MB21D2: variants seen among roughly 807,000 people sequenced by gnomAD.
MB21D2 encodes nucleotidyltransferase MB21D2.
Under a neutral mutation model 33.3 loss-of-function variants are expected in MB21D2, and 9 were observed. The observed-to-expected ratio is 0.27, with a 90% CI of 0.16 to 0.47. The LOEUF is 0.47. Among genes scored for constraint, MB21D2 ranks in the 20% least tolerant of loss-of-function variants. MB21D2 has a pLI of 0.99. For missense variants in MB21D2, 540 were observed against 624.6 expected (o/e 0.86, Z 1.44); for synonymous variants, 241 against 236.3 (o/e 1.02, Z -0.18).
At chr3:192,890,903 A>G (rs1422366058) in intron 1 of MB21D2, among the ~76,000 whole-genome samples, 1 of 152,078 alleles carries the variant, frequency 6.6e-6, no homozygotes, top group Non-Finnish European at 1.5e-5. Flanking sequence ...GTGATTTTAA[A>G]TATTACTCAT....
chr3:192,892,301 A>C (rs1025898526), intron 1 of MB21D2, among the ~76,000 whole-genome samples: 28 of 152,224 alleles, frequency 1.8e-4, no homozygotes, highest in African/African-American at 6.8e-4. Flanking sequence ...CCCATTTTAC[A>C]GATGAGGATT....
intron 1 of MB21D2, among the ~76,000 whole-genome samples, chr3:192,868,112 T>C (rs1485680523): frequency 2.0e-5 from 3 of 152,248 alleles, no homozygotes; most frequent in South Asian, 2.1e-4. Context: ...GGTAGTTTTA[T>C]GCAGCAATCA....
chr3:192,851,490 TG>T (rs1440783348), intron 1 of MB21D2, among the ~76,000 whole-genome samples: 4 of 119,568 alleles, frequency 3.3e-5, no homozygotes, highest in East Asian at 2.6e-4. Context: ...TTTTTTTGTC[TG>T]TTTTTTTTTT....
intron 1 of MB21D2, among the ~76,000 whole-genome samples, chr3:192,883,659 C>CTG (rs769445162): frequency 6.6e-6 from 1 of 152,054 alleles, no homozygotes; most frequent in Non-Finnish European, 1.5e-5. Context: ...ATCTCTGTGA[C>CTG]AACAGAGTTC....
intron 1 of MB21D2, among the ~76,000 whole-genome samples, chr3:192,868,466 C>A (rs1038315381): frequency 6.6e-6 from 1 of 152,054 alleles, no homozygotes; most frequent in Non-Finnish European, 1.5e-5. Flanking sequence ...GAACTTTTCA[C>A]TGACAGTTAA....
chr3:192,880,645 T>G (rs1199514703), intron 1 of MB21D2, among the ~76,000 whole-genome samples: 1 of 152,044 alleles, frequency 6.6e-6, no homozygotes, highest in African/African-American at 2.4e-5. Flanking sequence ...CTCAAGGAGC[T>G]GACAGCTAGC....
chr3:192,875,080 AC>A lies in MB21D2; in HGVS notation c.211+42549del, dbSNP rs906466124. Among the ~76,000 whole-genome samples, 14 of 149,722 alleles carry A rather than the reference AC, an allele frequency of 9.4e-5. 1 individual carries two copies. The highest frequency in any genetic ancestry group is 9.2e-4 in the Admixed American group (14 of 15,174). On this transcript the variant is annotated intron_variant, in intron 1 of 1. Coordinates refer to ENST00000392452, the MANE Select transcript of MB21D2 (RefSeq NM_178496.4). ...GGTGTGCCACCTATCTTCTACTGAG[AC>A]CCCGACTGATACAGTGTTTAACAAA...
At chr3:192,802,524 C>G (rs1307472806) in intron 1 of MB21D2, among the ~76,000 whole-genome samples, 1 of 152,074 alleles carries the variant, frequency 6.6e-6, no homozygotes, top group Non-Finnish European at 1.5e-5. Context: ...TTTTTAAAGC[C>G]AAACTTAATC....
At chr3:192,860,362 TTTTG>T (rs952360783) in intron 1 of MB21D2, among the ~76,000 whole-genome samples, 5 of 152,234 alleles carry the variant, frequency 3.3e-5, no homozygotes, top group Admixed American at 1.3e-4. Context: ...CATTATTTTA[TTTTG>T]TTTATTTCTT....
chr3:192,891,365 G>A (rs1301599097), intron 1 of MB21D2, among the ~76,000 whole-genome samples: 5 of 152,138 alleles, frequency 3.3e-5, no homozygotes, highest in Admixed American at 2.6e-4. Context: ...ACAAGAGCAG[G>A]AAAATAATTA....
At chr3:192,807,552 T>C (rs1487428609) in intron 1 of MB21D2, among the ~76,000 whole-genome samples, 1 of 152,078 alleles carries the variant, frequency 6.6e-6, no homozygotes, top group East Asian at 1.9e-4. Flanking sequence ...TTTCTCACGT[T>C]GAGATGTATA....
intron 1 of MB21D2, among the ~76,000 whole-genome samples, chr3:192,809,798 G>A (rs909338508): frequency 1.3e-5 from 2 of 152,234 alleles, no homozygotes; most frequent in East Asian, 1.9e-4. Context: ...AGCTATGTGG[G>A]TGCACACGTG....
intron 1 of MB21D2, among the ~76,000 whole-genome samples, chr3:192,833,542 A>C (rs1712366598): frequency 6.6e-6 from 1 of 152,234 alleles, no homozygotes; most frequent in African/African-American, 2.4e-5. Context: ...AACAATAATT[A>C]AGTCACTAGG....
chr3:192,904,440 T>C (rs1435801229), intron 1 of MB21D2, among the ~76,000 whole-genome samples: 6 of 152,208 alleles, frequency 3.9e-5, no homozygotes, highest in African/African-American at 1.4e-4. Context: ...TGATTTATTC[T>C]CAATACTTAA....
intron 1 of MB21D2, among the ~76,000 whole-genome samples, chr3:192,840,346 C>T (rs1375399715): frequency 6.6e-6 from 1 of 150,794 alleles, no homozygotes; most frequent in African/African-American, 2.4e-5. Flanking sequence ...AAAATCAAAG[C>T]TCCTTTATTG....
chr3:192,916,654 A>G (rs1420532811), intron 1 of MB21D2, among the ~76,000 whole-genome samples: 1 of 152,054 alleles, frequency 6.6e-6, no homozygotes, highest in Non-Finnish European at 1.5e-5. Flanking sequence ...AACTCACACT[A>G]CACCTCAGTA....
At chr3:192,812,249 T>G (rs1711805159) in intron 1 of MB21D2, among the ~76,000 whole-genome samples, 1 of 152,118 alleles carries the variant, frequency 6.6e-6, no homozygotes, top group African/African-American at 2.4e-5. Context: ...GGTTTCACCA[T>G]GTTGGTCAGG....
At chr3:192,810,194 A>G (rs1197868820) in intron 1 of MB21D2, among the ~76,000 whole-genome samples, 1 of 152,232 alleles carries the variant, frequency 6.6e-6, no homozygotes, top group Non-Finnish European at 1.5e-5. Context: ...CTTATCGGGT[A>G]CACTGGGACA....
At chr3:192,895,738 T>G (rs1305532059) in intron 1 of MB21D2, among the ~76,000 whole-genome samples, 1 of 149,482 alleles carries the variant, frequency 6.7e-6, no homozygotes, top group Admixed American at 6.7e-5. Context: ...GGTTTTTTTT[T>G]GTTTGTTTTT....
Sources: allele counts gnomAD v4.1 joint callset (sites outside exome capture counted in the v4.1 genomes callset), GRCh38; gene constraint gnomAD v4.1.1; transcripts MANE v1.5; gene names NCBI Gene and HGNC (gene_info 2026-07-23, HGNC 2026-07-21).